The following GLB1L2 variants were observed in gnomAD, a reference collection of about 807,000 sequenced individuals.
The protein encoded by GLB1L2 is galactosidase beta 1 like 2, also known as beta-galactosidase-1-like protein 2.
Under a neutral mutation model 84.1 loss-of-function variants are expected in GLB1L2, and 68 were observed. That is an observed-to-expected ratio of 0.81 (90% confidence interval 0.67 to 0.99). GLB1L2 has a LOEUF of 0.99. Ranked by LOEUF, GLB1L2 falls within the 50% of genes least tolerant of loss-of-function variation. The pLI is 0.00. For missense variants in GLB1L2, 762 were observed against 805.6 expected (o/e 0.95, Z 0.66); for synonymous variants, 290 against 318.0 (o/e 0.91, Z 0.94).
At chr11:134,349,605 T>A (rs1007764853) in intron 5 of GLB1L2, among the ~76,000 whole-genome samples, 6 of 152,226 alleles carry the variant, frequency 3.9e-5, no homozygotes, top group African/African-American at 1.4e-4. Flanking sequence ...CCAACACTTG[T>A]TATTTCCTGT....
At chr11:134,373,580 T>C (rs879235514) in intron 15 of GLB1L2, 141 bp from the exon 16 acceptor site, 1 of 663,962 alleles carries the variant, frequency 1.5e-6, no homozygotes, top group South Asian at 1.8e-5. Flanking sequence ...TACACTTCAG[T>C]ACCCCTCACC....
In GLB1L2 at chr11:134,371,247, G is replaced by A. The variant is rs1943948343; in HGVS notation, c.1356+99G>A. 3 of 1,453,778 alleles carry A rather than the reference G, an allele frequency of 2.1e-6. No homozygotes were observed. The East Asian group carries it at 6.8e-5, about 33-fold the overall frequency. 90.1% of individuals were successfully genotyped at this position (1,453,778 alleles called of 1,614,324 possible). A position where few individuals can be genotyped will look rare whatever the true frequency, so the allele number is the denominator to read the frequency against. ...TCAGAATCAGCTCTTACCAGTGTGTGACAATGGCCCTTCTGAGTCAGCTCT... is the reference window on the plus strand; with the variant it reads ...TCAGAATCAGCTCTTACCAGTGTGTAACAATGGCCCTTCTGAGTCAGCTCT... On this transcript the variant is annotated intron_variant, in intron 13 of 18. Transcript: ENST00000535456.
intron 5 of GLB1L2, 44 bp downstream of exon 5, chr11:134,347,477 C>T (rs758143404): frequency 7.3e-7 from 1 of 1,361,062 alleles, no homozygotes; most frequent in South Asian, 1.2e-5. Flanking sequence ...CTGTCTTCCT[C>T]TAGGTCGTGG....
chr11:134,334,302 G>A lies in GLB1L2; in HGVS notation c.86+2155G>A, dbSNP rs1382233785. ...GAAGGCAGGTATTTGGACAGTGGCT[G>A]GCATGGGCTGGGGGATGTTTGGCTA... On this transcript the variant is annotated intron_variant, in intron 1 of 18. Coordinates refer to ENST00000535456, the MANE Select transcript of GLB1L2 (RefSeq NM_001370461.1). This position sits in a 1 kb window ranked among gnomAD's most constrained non-coding sequence, Gnocchi z 4.1. Among the ~76,000 whole-genome samples, 2 of 152,156 alleles carry A rather than the reference G, an allele frequency of 1.3e-5. No individual in the cohort carries two copies. The highest frequency in any genetic ancestry group is 2.9e-5 in the Non-Finnish European group (2 of 68,020).
chr11:134,332,198 T>C, intron 1 of GLB1L2, 51 bp downstream of exon 1: 2 of 1,311,436 alleles, frequency 1.5e-6, no homozygotes, highest in African/African-American at 1.5e-5. Flanking sequence ...TCCCCAGCCC[T>C]CCGCACCTCG....
At position 134,367,350 on chromosome 11, in the gene GLB1L2, T is replaced by C; in HGVS notation, c.889+9T>C. 3 of 1,608,384 alleles carry C rather than the reference T, an allele frequency of 1.9e-6. No individual in the cohort carries two copies. Among genetic ancestry groups the C allele is most frequent in the Non-Finnish European group, 2.6e-6 (3 of 1,175,110 alleles). On this transcript the variant is annotated intron_variant, in intron 9 of 18. Coordinates refer to ENST00000535456, the MANE Select transcript of GLB1L2 (RefSeq NM_001370461.1). ...TATCTTGGATTCTTCTGGTGAGTGC[T>C]TGCGGTGACTACATCCAGAATGTGT...
In GLB1L2 at chr11:134,373,722, C is replaced by A. The variant is rs1943987681; in HGVS notation, c.1509C>A (p.Gly503=). Residue 503 remains glycine, a splice_region_variant and synonymous_variant, in exon 16 of 19, where the codon GGC becomes GGA. Transcript: ENST00000535456. ...ACGTGTCCTGCCTCCCTCCCACAGG[C>A]TTAATTGGAAATCTCTATCTGAATG... The part of the protein sequence containing the change: ...YGENIDDQRK[G]LIGNLYLNDS... The A allele has an allele frequency of 1.9e-6, 3 of 1,608,358 alleles. No individual in the cohort carries two copies. Among genetic ancestry groups the A allele is most frequent in the Admixed American group, 1.7e-5 (1 of 59,782 alleles).
intron 6 of GLB1L2, among the ~76,000 whole-genome samples, chr11:134,357,181 C>A (rs1943715213): frequency 6.6e-6 from 1 of 152,216 alleles, no homozygotes. Context: ...AGTGACTCCA[C>A]CTACCTGAAG....
intron 2 of GLB1L2, 61 bp from the exon 3 acceptor site, chr11:134,344,326 T>C: frequency 5.7e-6 from 9 of 1,587,648 alleles, no homozygotes; most frequent in Non-Finnish European, 7.8e-6. Flanking sequence ...AAGAAGGTAA[T>C]GTGAGAGGTG....
intron 3 of GLB1L2, among the ~76,000 whole-genome samples, 194 bp from the exon 4 acceptor site, chr11:134,344,840 G>A (rs1943525871): frequency 1.3e-5 from 2 of 152,242 alleles, no homozygotes; most frequent in African/African-American, 4.8e-5. Context: ...GCCCCCGATG[G>A]GGCTGTGCAG....
rs1338271521 is a variant in GLB1L2 at position 134,334,069 on chromosome 11, G to A, written c.86+1922G>A. Among the ~76,000 whole-genome samples the A allele has an allele frequency of 6.6e-6, 1 of 152,154 alleles. No homozygotes were observed. The highest frequency in any genetic ancestry group is 2.4e-5 in the African/African-American group (1 of 41,408). On this transcript the variant is annotated intron_variant, in intron 1 of 18. Coordinates refer to ENST00000535456, the MANE Select transcript of GLB1L2 (RefSeq NM_001370461.1). This position sits in a 1 kb window ranked among gnomAD's most constrained non-coding sequence, Gnocchi z 4.1. ...ATGAGTTGCTGTAATATCTCTGGAG[G>A]CAGGAGGAGAACATCCTCTTTGTCT...
chr11:134,348,061 T>C (rs1943575864), intron 5 of GLB1L2, among the ~76,000 whole-genome samples: 1 of 152,228 alleles, frequency 6.6e-6, no homozygotes, highest in South Asian at 2.1e-4. Flanking sequence ...ATGGGAAAAA[T>C]CAACCCAGTT....
At chr11:134,344,304 A>AT in intron 2 of GLB1L2, 83 bp from the exon 3 acceptor site, 2 of 1,519,772 alleles carry the variant, frequency 1.3e-6, no homozygotes, top group Non-Finnish European at 1.8e-6. Flanking sequence ...ATCATATTGG[A>AT]TTTTTGGGCT....
chr11:134,342,383 C>A (rs1020401842), intron 1 of GLB1L2, among the ~76,000 whole-genome samples: 2 of 152,016 alleles, frequency 1.3e-5, no homozygotes, highest in African/African-American at 2.4e-5. Context: ...CGTGTGAAGT[C>A]GCTGTCGCGC....
intron 7 of GLB1L2, among the ~76,000 whole-genome samples, chr11:134,362,903 C>A (rs1008935011): frequency 6.6e-6 from 1 of 152,214 alleles, no homozygotes; most frequent in East Asian, 1.9e-4. Flanking sequence ...CTTCCGCACT[C>A]CTAGACCATT....
chr11:134,347,585 G>C, intron 5 of GLB1L2, 152 bp downstream of exon 5: 1 of 629,010 alleles, frequency 1.6e-6, no homozygotes, highest in Non-Finnish European at 2.9e-6. Flanking sequence ...TGAGGGGCTT[G>C]CAAGAGTTGT....
At chr11:134,356,838 T>G (rs1943709579) in intron 6 of GLB1L2, among the ~76,000 whole-genome samples, 1 of 152,038 alleles carries the variant, frequency 6.6e-6, no homozygotes, top group African/African-American at 2.4e-5. Context: ...TAGGGAAGGC[T>G]GAGAGCCACT....
At chr11:134,345,011 G>C in intron 3 of GLB1L2, 23 bp from the exon 4 acceptor site, 1 of 1,606,766 alleles carries the variant, frequency 6.2e-7, no homozygotes, top group Non-Finnish European at 8.5e-7. Context: ...CGTGGGAGGG[G>C]CTGACGATGT....
Position 134,363,021 on chromosome 11 carries a change from G to C in GLB1L2, c.734-1307G>C, listed in dbSNP as rs183598252. On this transcript the variant is annotated intron_variant, in intron 7 of 18. Transcript: ENST00000535456. Reference sequence around the variant, plus strand: ...CACTCTCCGCTTGTATTTGTGAGACGTATCAGGAAGGACAGGACAGAGATG... The same window carrying C: ...CACTCTCCGCTTGTATTTGTGAGACCTATCAGGAAGGACAGGACAGAGATG... 5.9e-5 allele frequency among the ~76,000 whole-genome samples: 9 copies of C among 152,282 alleles called. No homozygotes were observed. The East Asian group carries it at 9.7e-4, about 16-fold the overall frequency.
Sources: gnomAD v4.1 joint callset for allele counts (sites outside exome capture counted in the v4.1 genomes callset) on GRCh38, gnomAD v4.1.1 for gene constraint, Gnocchi (gnomAD v3.1) non-coding constraint, MANE v1.5 for transcripts, NCBI Gene and HGNC (gene_info 2026-07-23, HGNC 2026-07-21) for gene names.